ALDH18A1: variants seen among roughly 807,000 people sequenced by gnomAD.
The protein encoded by ALDH18A1 is aldehyde dehydrogenase 18 family member A1.
In ALDH18A1, 44 loss-of-function variants were observed where a neutral mutation model predicts 88.8. The ratio of observed to expected loss-of-function variants is 0.50; its 90% CI spans 0.39 to 0.64. The LOEUF is 0.64. ALDH18A1 is among the 30% of genes least tolerant of loss of function. The pLI is 0.00. For synonymous variants in ALDH18A1, 331 were observed against 372.1 expected (o/e 0.89, Z 1.27); for missense variants, 782 against 1,009.5 (o/e 0.77, Z 3.05).
intron 7 of ALDH18A1, among the ~76,000 whole-genome samples, chr10:95,629,844 T>C (rs1043614847): frequency 3.3e-5 from 5 of 152,166 alleles, no homozygotes; most frequent in African/African-American, 9.7e-5. Flanking sequence ...AGTCTACCAA[T>C]GACCCGATTT....
At chr10:95,616,678 G>A in intron 12 of ALDH18A1, 64 bp from the exon 13 acceptor site, 1 of 1,551,692 alleles carries the variant, frequency 6.4e-7, no homozygotes, top group Non-Finnish European at 8.8e-7. Context: ...AGTGATGTTA[G>A]CATTCACAAG....
Position 95,613,758 on chromosome 10 carries a change from A to G in ALDH18A1, c.1907T>C (p.Met636Thr), listed in dbSNP as rs1051900803. ...AACTCTTACCTGTTCCACTCTCAGC[A>G]TATCAATGATCTGGTCAAATAATGG... Reference protein sequence around the residue: ...RTPLFDQIIDMLRVEQVKIHA... With the variant: ...RTPLFDQIIDTLRVEQVKIHA... The change falls in exon 15 of 18, where the codon ATG (methionine) becomes ACG (threonine). Residue 636 changes from methionine to threonine, a missense_variant. This residue lies in a region of ALDH18A1 where 556 missense variants were observed against 654.5 expected (regional missense o/e 0.85). Coordinates refer to ENST00000371224, the MANE Select transcript of ALDH18A1 (RefSeq NM_002860.4). 8 of 1,614,196 alleles carry G rather than the reference A, an allele frequency of 5.0e-6. No individual in the cohort carries two copies. The highest frequency in any genetic ancestry group is 5.9e-6 in the Non-Finnish European group (7 of 1,180,026).
intron 2 of ALDH18A1, among the ~76,000 whole-genome samples, chr10:95,646,434 T>C (rs2097901475): frequency 6.6e-6 from 1 of 152,066 alleles, no homozygotes; most frequent in Admixed American, 6.5e-5. Flanking sequence ...ATAAGGCCTG[T>C]TAGGGTTCAA....
At chr10:95,616,226 G>T (rs181908027) in intron 13 of ALDH18A1, among the ~76,000 whole-genome samples, 1 of 152,316 alleles carries the variant, frequency 6.6e-6, no homozygotes, top group East Asian at 1.9e-4. Context: ...CCCAAAGAAT[G>T]AAGGTCTAAT....
intron 3 of ALDH18A1, 137 bp from the exon 4 acceptor site, chr10:95,637,573 A>C: frequency 4.8e-6 from 5 of 1,032,484 alleles, no homozygotes; most frequent in Non-Finnish European, 7.2e-6. Context: ...CTGGCTCTGG[A>C]AGAATCAGCC....
At chr10:95,621,383 G>C (rs973401739) in intron 11 of ALDH18A1, 132 bp from the exon 12 acceptor site, 2 of 806,194 alleles carry the variant, frequency 2.5e-6, no homozygotes, top group African/African-American at 3.5e-5. Context: ...GCAGTGGCAT[G>C]ATCTAGGCCC....
At chr10:95,629,522 A>G (rs1485637536) in intron 7 of ALDH18A1, among the ~76,000 whole-genome samples, 2 of 152,182 alleles carry the variant, frequency 1.3e-5, no homozygotes, top group Non-Finnish European at 2.9e-5. Context: ...AACCTTTCAC[A>G]ATCTGTCAGT....
intron 3 of ALDH18A1, among the ~76,000 whole-genome samples, chr10:95,641,224 T>C (rs573515614): frequency 2.0e-5 from 3 of 152,138 alleles, no homozygotes; most frequent in Non-Finnish European, 4.4e-5. Flanking sequence ...GGAACAACCA[T>C]ACTCTCATCT....
chr10:95,617,164 T>C (rs2097845542), intron 12 of ALDH18A1, among the ~76,000 whole-genome samples: 1 of 152,210 alleles, frequency 6.6e-6, no homozygotes, highest in African/African-American at 2.4e-5. Context: ...AGAGACTTTC[T>C]TGAGCCTGGG....
At position 95,611,277 on chromosome 10, in the gene ALDH18A1, C is replaced by T; in HGVS notation, c.2089G>A (p.Asp697Asn). ...TGACCGTCCTCTGTGACGATGACAT[C>T]CGTGTGGGAGCTGCCATACTTGTGG... Reference protein sequence around the residue: ...HIHKYGSSHTDVIVTEDENTA... With the variant: ...HIHKYGSSHTNVIVTEDENTA... Residue 697 changes from aspartate (D) to asparagine (N), a missense_variant, in exon 16 of 18, where the codon GAT (aspartate) becomes AAT (asparagine). Physicochemically the swap from Asp to Asn is conservative, Grantham distance 23. This residue lies in a region of ALDH18A1 where 556 missense variants were observed against 654.5 expected (regional missense o/e 0.85). Transcript: ENST00000371224. 6.2e-7 allele frequency: 1 copy of T among 1,613,988 alleles called. No individual in the cohort carries two copies. Among genetic ancestry groups the T allele is most frequent in the East Asian group, 2.2e-5 (1 of 44,900 alleles).
At chr10:95,610,049 C>T (rs899999166) in intron 17 of ALDH18A1, 148 bp downstream of exon 17, 18 of 750,162 alleles carry the variant, frequency 2.4e-5, no homozygotes, top group Admixed American at 8.5e-5. Flanking sequence ...GGATTACAGG[C>T]GTGAGCCACG....
At chr10:95,620,471 A>C (rs1326732284) in intron 12 of ALDH18A1, among the ~76,000 whole-genome samples, 2 of 152,230 alleles carry the variant, frequency 1.3e-5, no homozygotes, top group Admixed American at 6.5e-5. Context: ...TACTGTAAAG[A>C]CACATGCACA....
intron 15 of ALDH18A1, among the ~76,000 whole-genome samples, chr10:95,612,459 TCAAGTTA>T (rs1274867173): frequency 6.6e-6 from 1 of 152,200 alleles, no homozygotes; most frequent in Non-Finnish European, 1.5e-5. Context: ...TTGCCTTGGC[TCAAGTTA>T]TAAGTGGTGT....
At chr10:95,629,397 A>C (rs972341100) in intron 7 of ALDH18A1, among the ~76,000 whole-genome samples, 3 of 152,216 alleles carry the variant, frequency 2.0e-5, no homozygotes, top group African/African-American at 7.2e-5. Context: ...ATCTTGCTAC[A>C]TACTACCTCT....
Position 95,606,842 on chromosome 10 carries a change from C to T in ALDH18A1, c.2308G>A (p.Val770Met), listed in dbSNP as rs369153920. ...TKWLLRGKDHVVSDFSEHGSL... is the reference protein window; with the variant it reads ...TKWLLRGKDHMVSDFSEHGSL... ...CCATGCTCTGAGAAATCTGAGACCA[C>T]GTGGTCCTTCCCTCGCAGCAGCCAC... Residue 770 changes from valine (V) to methionine (M), a missense_variant, in exon 18 of 18, where the codon GTG (valine) becomes ATG (methionine). This residue lies in a region of ALDH18A1 where 556 missense variants were observed against 654.5 expected (regional missense o/e 0.85). Coordinates refer to ENST00000371224, the MANE Select transcript of ALDH18A1 (RefSeq NM_002860.4). 2.3e-5 allele frequency: 37 copies of T among 1,614,084 alleles called. No homozygotes were observed. Among genetic ancestry groups the T allele is most frequent in the Non-Finnish European group, 2.8e-5 (33 of 1,180,044 alleles).
chr10:95,642,868 G>C (rs917717231), intron 3 of ALDH18A1, 124 bp downstream of exon 3: 6 of 1,035,078 alleles, frequency 5.8e-6, no homozygotes, highest in Non-Finnish European at 8.7e-6. Context: ...TTTCACATTG[G>C]GTTAAATCTA....
rs1162098631 is a variant in ALDH18A1 at position 95,613,834 on chromosome 10, C to T, written c.1831G>A (p.Ala611Thr). 1 of 1,614,042 alleles carries T rather than the reference C, an allele frequency of 6.2e-7. No homozygotes were observed. Among genetic ancestry groups the T allele is most frequent in the Non-Finnish European group, 8.5e-7 (1 of 1,180,022 alleles). The change falls in exon 15 of 18, where the codon GCC (alanine) becomes ACC (threonine). Residue 611 changes from alanine (A) to threonine (T), a missense_variant. Ala to Thr is a moderately conservative substitution (Grantham distance 58). This residue lies in a region of ALDH18A1 where 556 missense variants were observed against 654.5 expected (regional missense o/e 0.85). Transcript: ENST00000371224. ...VRDSKCEYPA[A>T]CNALETLLIH... ...AACAAAGTCTCCAAAGCATTACAGG[C>T]AGCTGGATATTCACATTTAGAGTCT...
At chr10:95,608,170 TTCAC>T (rs1486747048) in intron 17 of ALDH18A1, among the ~76,000 whole-genome samples, 1 of 152,224 alleles carries the variant, frequency 6.6e-6, no homozygotes, top group African/African-American at 2.4e-5. Context: ...TCAACCAGCT[TTCAC>T]TCTGAGCTGG....
At chr10:95,621,464 C>A (rs1474396602) in intron 11 of ALDH18A1, among the ~76,000 whole-genome samples, 1 of 151,940 alleles carries the variant, frequency 6.6e-6, no homozygotes, top group Non-Finnish European at 1.5e-5. Context: ...GGACTACAGG[C>A]ATGCACCACC....
Sources: gnomAD v4.1 joint callset for allele counts (sites outside exome capture counted in the v4.1 genomes callset) on GRCh38, gnomAD v4.1.1 for gene constraint, gnomAD v4.1.1 regional missense constraint, MANE v1.5 for transcripts, NCBI Gene and HGNC (gene_info 2026-07-23, HGNC 2026-07-21) for gene names.